Variants in GMDS observed in about 807,000 individuals in gnomAD.
The protein encoded by GMDS is GDP-mannose 4,6 dehydratase.
A neutral mutation model predicts 49.9 loss-of-function variants in GMDS; 20 were observed. That is an observed-to-expected ratio of 0.40 (90% CI 0.28 to 0.58). The LOEUF (loss-of-function observed/expected upper bound fraction) is 0.58, where lower values mean the gene tolerates loss of function less well. GMDS is among the 20% of genes least tolerant of loss of function. The pLI is 0.42. For missense variants in GMDS, 362 were observed against 481.4 expected (o/e 0.75, Z 2.32); for synonymous variants, 177 against 178.6 (o/e 0.99, Z 0.07).
At chr6:2,202,382 C>G (rs536072522) in intron 1 of GMDS, among the ~76,000 whole-genome samples, 1 of 151,622 alleles carries the variant, frequency 6.6e-6, no homozygotes, top group Non-Finnish European at 1.5e-5. Flanking sequence ...AGCATGTCCT[C>G]ACTGCACAGT....
At chr6:2,004,487 T>G (rs905427571) in intron 4 of GMDS, among the ~76,000 whole-genome samples, 2 of 152,186 alleles carry the variant, frequency 1.3e-5, no homozygotes, top group Non-Finnish European at 2.9e-5. Context: ...TTAAAAACAT[T>G]AAAGGTATTT....
chr6:1,803,330 G>A (rs1028859523), intron 7 of GMDS, among the ~76,000 whole-genome samples: 3 of 152,226 alleles, frequency 2.0e-5, no homozygotes, highest in East Asian at 3.9e-4. Context: ...GGCAAAAAAC[G>A]TCTCTGGGCT....
At position 1,624,111 on chromosome 6, in the gene GMDS, G is replaced by A; in HGVS notation, c.*58C>T. On this transcript the variant is annotated 3_prime_UTR_variant, in exon 11 of 11. Coordinates refer to ENST00000380815, the MANE Select transcript of GMDS (RefSeq NM_001500.4). ...CGCTCCCCATCCCCGCAGCGCGTCT[G>A]CACCGGAGACTCTGCGGGGATTGTA... The A allele has an allele frequency of 6.8e-7, 1 of 1,475,338 alleles. No homozygotes were observed. Among genetic ancestry groups the A allele is most frequent in the South Asian group, 1.1e-5 (1 of 88,286 alleles). 91.4% of individuals were successfully genotyped at this position (1,475,338 alleles called of 1,614,324 possible).
chr6:2,095,517 G>GA (rs1394152093), intron 4 of GMDS, among the ~76,000 whole-genome samples: 1 of 152,098 alleles, frequency 6.6e-6, no homozygotes, highest in Non-Finnish European at 1.5e-5. Flanking sequence ...AAAATATTAA[G>GA]AATCTCAGTG....
intron 8 of GMDS, among the ~76,000 whole-genome samples, chr6:1,738,706 C>T (rs552050205): frequency 6.6e-6 from 1 of 152,286 alleles, no homozygotes; most frequent in South Asian, 2.1e-4. Flanking sequence ...AATGGCAATG[C>T]TAATGAGACT....
chr6:2,167,396 T>C (rs775681214), intron 1 of GMDS, among the ~76,000 whole-genome samples: 6 of 152,222 alleles, frequency 3.9e-5, no homozygotes, highest in Non-Finnish European at 8.8e-5. Flanking sequence ...ACTAGTATAC[T>C]AGTTTCCTTA....
chr6:1,996,787 G>A (rs1766310042), intron 4 of GMDS, among the ~76,000 whole-genome samples: 1 of 152,110 alleles, frequency 6.6e-6, no homozygotes, highest in African/African-American at 2.4e-5. Flanking sequence ...TATAAGGGGA[G>A]CTAAAAAATG....
chr6:1,771,215 A>T (rs72841918), intron 7 of GMDS, among the ~76,000 whole-genome samples: 6,494 of 152,244 alleles, frequency 0.043, 216 homozygotes, highest in Non-Finnish European at 0.058. Flanking sequence ...AGTCAAACAA[A>T]TCATATTCAG....
chr6:2,131,364 A>C (rs1002565494), intron 1 of GMDS, among the ~76,000 whole-genome samples: 3 of 152,158 alleles, frequency 2.0e-5, no homozygotes, highest in Admixed American at 2.0e-4. Context: ...TAATTAAATG[A>C]TTAGGAGAAA....
intron 9 of GMDS, among the ~76,000 whole-genome samples, chr6:1,682,999 T>C (rs1482064119): frequency 6.6e-6 from 1 of 152,232 alleles, no homozygotes; most frequent in Non-Finnish European, 1.5e-5. Context: ...GGCTGGGTCA[T>C]GGAGACGGGG....
chr6:1,821,687 G>A (rs1334746625), intron 7 of GMDS, among the ~76,000 whole-genome samples: 2 of 129,614 alleles, frequency 1.5e-5, no homozygotes, highest in Non-Finnish European at 3.1e-5. Flanking sequence ...TCTAGTGAAT[G>A]ATATTTTGAA....
intron 7 of GMDS, among the ~76,000 whole-genome samples, chr6:1,756,422 T>A (rs555934004): frequency 6.6e-6 from 1 of 152,130 alleles, no homozygotes; most frequent in African/African-American, 2.4e-5. Context: ...TACCACCACG[T>A]CCAGCTAATT....
intron 7 of GMDS, among the ~76,000 whole-genome samples, chr6:1,832,373 A>G (rs1756695133): frequency 6.6e-6 from 1 of 151,356 alleles, no homozygotes; most frequent in African/African-American, 2.4e-5. Context: ...AGCCTGGGGG[A>G]CGGAGTGAGA....
At chr6:2,085,889 C>T (rs193125762) in intron 4 of GMDS, among the ~76,000 whole-genome samples, 16 of 152,290 alleles carry the variant, frequency 1.1e-4, no homozygotes, top group Non-Finnish European at 2.1e-4. Flanking sequence ...ATTCATTAAT[C>T]CAGGCTCTCC....
chr6:2,173,278 GAGC>G (rs1443046302), intron 1 of GMDS, among the ~76,000 whole-genome samples: 2 of 152,170 alleles, frequency 1.3e-5, no homozygotes, highest in African/African-American at 4.8e-5. Flanking sequence ...TATCCAAAAA[GAGC>G]AGGAGGGTAG....
chr6:1,960,232 T>C (rs1763862868), intron 5 of GMDS, among the ~76,000 whole-genome samples: 1 of 152,218 alleles, frequency 6.6e-6, no homozygotes, highest in Non-Finnish European at 1.5e-5. Context: ...CTTAGATCTT[T>C]TTCTCTCTCA....
At chr6:1,905,789 T>C (rs976269650) in intron 7 of GMDS, among the ~76,000 whole-genome samples, 2 of 121,218 alleles carry the variant, frequency 1.6e-5, no homozygotes, top group African/African-American at 3.4e-5. Flanking sequence ...GGCCAGCACA[T>C]AGCTGTGGGT....
At chr6:1,981,542 CAAAGA>C (rs1765221307) in intron 4 of GMDS, among the ~76,000 whole-genome samples, 1 of 151,620 alleles carries the variant, frequency 6.6e-6, no homozygotes, top group Admixed American at 6.6e-5. Flanking sequence ...GAGGTCAAAC[CAAAGA>C]AAGCCCAGGA....
intron 4 of GMDS, among the ~76,000 whole-genome samples, chr6:2,010,334 A>G (rs1359406469): frequency 6.6e-6 from 1 of 151,724 alleles, no homozygotes; most frequent in South Asian, 2.1e-4. Flanking sequence ...CTCAAAAAAA[A>G]AAAAAAGAAA....
Sources: gnomAD v4.1 joint callset for allele counts (sites outside exome capture counted in the v4.1 genomes callset) on GRCh38, gnomAD v4.1.1 for gene constraint, MANE v1.5 for transcripts, NCBI Gene and HGNC (gene_info 2026-07-23, HGNC 2026-07-21) for gene names.